Variants in NAV3 observed in about 807,000 individuals in gnomAD.
NAV3 encodes pore membrane and/or filament interacting like protein 1.
Under a neutral mutation model 244.7 loss-of-function variants are expected in NAV3, and 87 were observed. That is an observed-to-expected ratio of 0.36 (90% confidence interval 0.30 to 0.42). NAV3 has a LOEUF of 0.42. NAV3 is among the 20% of genes least tolerant of loss of function. NAV3 has a pLI of 1.00. For synonymous variants in NAV3, 1,126 were observed against 1,042.2 expected, an observed-to-expected ratio of 1.08 and a Z score of -1.55; for missense variants, 2,663 against 2,893.3, an observed-to-expected ratio of 0.92 and a Z score of 1.83.
intron 5 of NAV3, among the ~76,000 whole-genome samples, chr12:77,975,862 G>A (rs183052626): frequency 3.3e-5 from 5 of 152,320 alleles, no homozygotes; most frequent in Non-Finnish European, 1.5e-5. Context: ...CATATTGGCT[G>A]CTGTGTTGAA....
intron 1 of NAV3, among the ~76,000 whole-genome samples, chr12:77,853,186 A>T (rs1035913571): frequency 6.6e-6 from 1 of 152,096 alleles, no homozygotes; most frequent in Non-Finnish European, 1.5e-5. Context: ...TTTTCTATGT[A>T]GTGTGATTTT....
chr12:78,074,905 G>C (rs2137703067), intron 12 of NAV3, among the ~76,000 whole-genome samples: 1 of 152,272 alleles, frequency 6.6e-6, no homozygotes. Context: ...TGAAATAGTA[G>C]ATAACTGTCT....
At chr12:77,750,560 A>G (rs1868797627) in intron 2 of NAV3, among the ~76,000 whole-genome samples, 4 of 151,978 alleles carry the variant, frequency 2.6e-5, no homozygotes, top group African/African-American at 7.2e-5. Context: ...AAAAAAGTAA[A>G]AAGAAAGAAA....
chr12:77,788,870 T>C (rs1260764870), intron 2 of NAV3, among the ~76,000 whole-genome samples: 1 of 152,044 alleles, frequency 6.6e-6, no homozygotes, highest in African/African-American at 2.4e-5. Flanking sequence ...CTAACTGAAT[T>C]ATCTTCTCCA....
chr12:77,955,247 C>A (rs1474156119), intron 3 of NAV3, among the ~76,000 whole-genome samples: 2 of 152,112 alleles, frequency 1.3e-5, no homozygotes, highest in Admixed American at 6.6e-5. Flanking sequence ...TCTTAAAGAT[C>A]CCTCAACCTA....
intron 29 of NAV3, 31 bp from the exon 30 acceptor site, chr12:78,180,840 G>A (rs1197130438): frequency 1.3e-6 from 2 of 1,577,144 alleles, no homozygotes; most frequent in Admixed American, 1.8e-5. Context: ...AACCAACTCA[G>A]TTTTTTTCAT....
chr12:77,839,977 G>A (rs964619106), intron 1 of NAV3, among the ~76,000 whole-genome samples: 13 of 152,184 alleles, frequency 8.5e-5, no homozygotes, highest in Non-Finnish European at 1.5e-4. Flanking sequence ...GGAGGCTGAG[G>A]TATGAGAATC....
At chr12:77,873,744 G>GTGTGTATATATATATA (rs776225440) in intron 1 of NAV3, among the ~76,000 whole-genome samples, 927 of 72,858 alleles carry the variant, frequency 0.013, 45 homozygotes, top group South Asian at 0.023. Flanking sequence ...ATGTGTGTGT[G>GTGTGTATATATATATA]TATATATATA....
intron 2 of NAV3, among the ~76,000 whole-genome samples, chr12:77,610,556 T>C (rs1041913842): frequency 2.0e-5 from 3 of 152,138 alleles, no homozygotes; most frequent in Non-Finnish European, 4.4e-5. Context: ...GCCATGTACA[T>C]TCAGACTTGT....
chr12:78,191,078 A>G (rs1459110493), intron 34 of NAV3, among the ~76,000 whole-genome samples: 1 of 152,142 alleles, frequency 6.6e-6, no homozygotes, highest in African/African-American at 2.4e-5. Flanking sequence ...ACCTGGTTCA[A>G]TGATCTAAAC....
chr12:77,919,354 G>T (rs1312313213), intron 1 of NAV3, among the ~76,000 whole-genome samples: 1 of 151,992 alleles, frequency 6.6e-6, no homozygotes, highest in East Asian at 1.9e-4. Flanking sequence ...GATATATTTA[G>T]AACTTCCTTA....
In NAV3 at chr12:77,960,831, A is replaced by G. The variant is rs1821597890; in HGVS notation, c.415-5398A>G. Among the ~76,000 whole-genome samples the G allele has an allele frequency of 2.1e-5, 3 of 144,130 alleles. No homozygotes were observed. In the South Asian group the frequency reaches 6.6e-4, roughly 32 times the overall value. The allele number at this position is 144,130 out of a possible 152,430, so 94.6% of individuals were successfully genotyped here. On this transcript the variant is annotated intron_variant, in intron 3 of 39. Transcript: ENST00000397909. ...TAATAAAAATGCATACATGTATGGT[A>G]TGTGTAATATACACATATGTATATA...
rs1194165668 is a variant in NAV3 at position 77,917,454 on chromosome 12, T to C, written c.244-22865T>C. Reference sequence around the variant, plus strand: ...AGAAATGGATGAAATACACATCTTTTATATCATCAGTTTTGTTCAATTATT... The same window carrying C: ...AGAAATGGATGAAATACACATCTTTCATATCATCAGTTTTGTTCAATTATT... On this transcript the variant is annotated intron_variant, in intron 1 of 39. Transcript: ENST00000397909. Among the ~76,000 whole-genome samples the C allele has an allele frequency of 2.6e-5, 4 of 152,064 alleles. No homozygotes were observed. The East Asian group carries it at 7.7e-4, about 29-fold the overall frequency.
chr12:77,610,712 TC>T (rs2136817793), intron 2 of NAV3, among the ~76,000 whole-genome samples: 1 of 152,194 alleles, frequency 6.6e-6, no homozygotes, highest in African/African-American at 2.4e-5. Flanking sequence ...TATGAGGCTT[TC>T]TGTGTCCCCA....
chr12:77,773,282 G>A (rs369391969), intron 2 of NAV3, among the ~76,000 whole-genome samples: 4 of 151,010 alleles, frequency 2.6e-5, no homozygotes, highest in East Asian at 1.9e-4. Flanking sequence ...AAAATGTATC[G>A]AAATGATTGT....
At chr12:77,671,896 AAG>A (rs1427977418) in intron 2 of NAV3, among the ~76,000 whole-genome samples, 1 of 151,916 alleles carries the variant, frequency 6.6e-6, no homozygotes, top group African/African-American at 2.4e-5. Context: ...AACAAAAACA[AAG>A]ATAAATAGAT....
intron 2 of NAV3, among the ~76,000 whole-genome samples, chr12:77,656,905 AC>A (rs1471371678): frequency 6.6e-6 from 1 of 152,124 alleles, no homozygotes. Context: ...GTTCTTTGAA[AC>A]CAACAAGAAC....
Position 78,140,305 on chromosome 12 carries a change from G to T in NAV3, c.4654G>T (p.Val1552Leu). Residue 1552 changes from valine to leucine, a missense_variant, in exon 20 of 40, where the codon GTG (valine) becomes TTG (leucine). Transcript: ENST00000397909. ...EEVHGSSLSLVSSTSSLYSTA... is the reference protein window; with the variant it reads ...EEVHGSSLSLLSSTSSLYSTA... ...AGTTCATGGCTCTTCATTATCACTG[G>T]TGTCCAGCACTTCTTCTCTTTACTC... 1 of 1,613,416 alleles carries T rather than the reference G, an allele frequency of 6.2e-7. No homozygotes were observed. The highest frequency in any genetic ancestry group is 2.2e-5 in the East Asian group (1 of 44,858).
rs1382598599 is a variant in NAV3, at chr12:77,598,271, AT to A, written c.72+26006del. 5.3e-5 allele frequency among the ~76,000 whole-genome samples: 8 copies of A among 152,194 alleles called. No homozygotes were observed. The South Asian group carries it at 1.7e-3, about 32-fold the overall frequency. On this transcript the variant is annotated intron_variant, in intron 2 of 8. Coordinates refer to the NAV3 transcript ENST00000550042. Reference sequence around the variant, plus strand: ...ATATTAGTTTACAAGATCATTTGAAATGGCTGAATAATCTTTGTATGGATGT... The same window carrying A: ...ATATTAGTTTACAAGATCATTTGAAAGGCTGAATAATCTTTGTATGGATGT...
Sources: allele counts gnomAD v4.1 joint callset (sites outside exome capture counted in the v4.1 genomes callset), GRCh38; gene constraint gnomAD v4.1.1; transcripts MANE v1.5; gene names NCBI Gene and HGNC (gene_info 2026-07-23, HGNC 2026-07-21).